The following GALNTL6 variants were observed in gnomAD, a reference collection of about 807,000 sequenced individuals.
GALNTL6 encodes polypeptide N-acetylgalactosaminyltransferase-like 6.
In GALNTL6, 46 loss-of-function variants were observed where a neutral mutation model predicts 73.7. The ratio of observed to expected loss-of-function variants is 0.62; its 90% CI spans 0.49 to 0.80. The LOEUF (loss-of-function observed/expected upper bound fraction) is 0.80, where lower values mean the gene tolerates loss of function less well. Ranked by LOEUF, GALNTL6 falls within the 30% of genes least tolerant of loss-of-function variation. The probability of loss-of-function intolerance (pLI) is 0.00; values close to 1 mark genes in which losing one functional copy is unlikely to be tolerated. For synonymous variants in GALNTL6, 259 were observed against 263.7 expected, an observed-to-expected ratio of 0.98 and a Z score of 0.17; for missense variants, 604 against 755.0, an observed-to-expected ratio of 0.80 and a Z score of 2.34.
At chr4:172,111,157 G>T (rs2110979325) in intron 2 of GALNTL6, among the ~76,000 whole-genome samples, 1 of 151,944 alleles carries the variant, frequency 6.6e-6, no homozygotes, top group East Asian at 1.9e-4. Flanking sequence ...AAATTACTTA[G>T]GAGAACTCTG....
chr4:171,874,756 A>G (rs1364523654), intron 2 of GALNTL6, among the ~76,000 whole-genome samples: 1 of 152,176 alleles, frequency 6.6e-6, no homozygotes, highest in Admixed American at 6.5e-5. Context: ...CCAAGAATCT[A>G]TTTTAAAAAC....
chr4:172,894,408 G>A (rs897832895), intron 8 of GALNTL6, among the ~76,000 whole-genome samples: 2 of 151,940 alleles, frequency 1.3e-5, no homozygotes, highest in Non-Finnish European at 2.9e-5. Context: ...TTCCAATTTT[G>A]TTTCAAGAAA....
At chr4:172,700,522 T>G (rs1200249044) in intron 5 of GALNTL6, among the ~76,000 whole-genome samples, 3 of 152,128 alleles carry the variant, frequency 2.0e-5, no homozygotes, top group Non-Finnish European at 2.9e-5. Context: ...TTCTTCAGTT[T>G]CCTATTTAGA....
intron 2 of GALNTL6, among the ~76,000 whole-genome samples, chr4:171,999,891 CAT>C (rs1468810674): frequency 6.6e-6 from 1 of 152,160 alleles, no homozygotes; most frequent in Non-Finnish European, 1.5e-5. Context: ...CAATTACTAA[CAT>C]AGCCTAACAC....
intron 2 of GALNTL6, among the ~76,000 whole-genome samples, chr4:172,042,362 T>C (rs1313205515): frequency 6.6e-6 from 1 of 152,082 alleles, no homozygotes; most frequent in Non-Finnish European, 1.5e-5. Context: ...TTCTAAACTG[T>C]ATATGGCACA....
intron 2 of GALNTL6, among the ~76,000 whole-genome samples, chr4:171,974,947 G>C (rs985329036): frequency 1.3e-5 from 2 of 152,108 alleles, no homozygotes; most frequent in Non-Finnish European, 2.9e-5. Context: ...TCACGGCAAG[G>C]TTGGCTGTAT....
intron 2 of GALNTL6, among the ~76,000 whole-genome samples, chr4:172,043,439 A>T (rs1742141506): frequency 6.6e-6 from 1 of 152,052 alleles, no homozygotes; most frequent in Non-Finnish European, 1.5e-5. Context: ...GACTTTATTA[A>T]AAGATGGTCA....
intron 2 of GALNTL6, among the ~76,000 whole-genome samples, chr4:172,172,584 C>T (rs1220170920): frequency 6.6e-6 from 1 of 152,068 alleles, no homozygotes; most frequent in Non-Finnish European, 1.5e-5. Flanking sequence ...GAGAAGACAG[C>T]TATCTAGATG....
At chr4:171,870,659 G>A (rs1736111602) in intron 2 of GALNTL6, among the ~76,000 whole-genome samples, 1 of 152,084 alleles carries the variant, frequency 6.6e-6, no homozygotes, top group African/African-American at 2.4e-5. Flanking sequence ...TAGGATCATT[G>A]TAGATGTAAT....
At chr4:172,464,711 AAATAAT>A (rs541423027) in intron 5 of GALNTL6, among the ~76,000 whole-genome samples, 1 of 150,990 alleles carries the variant, frequency 6.6e-6, no homozygotes, top group Admixed American at 6.6e-5. Flanking sequence ...TCTGTCTCAA[AAATAAT>A]AATAATAATA....
intron 5 of GALNTL6, among the ~76,000 whole-genome samples, chr4:172,680,046 T>C (rs529135131): frequency 1.3e-5 from 2 of 152,270 alleles, no homozygotes; most frequent in South Asian, 4.2e-4. Context: ...TAATCACATA[T>C]GAGATGAAAG....
intron 4 of GALNTL6, among the ~76,000 whole-genome samples, chr4:172,343,471 A>T (rs909246789): frequency 6.6e-6 from 1 of 152,172 alleles, no homozygotes; most frequent in African/African-American, 2.4e-5. Flanking sequence ...TAAGTCTGGT[A>T]CTTATTTCAA....
At chr4:172,794,121 T>A (rs1453193436) in intron 5 of GALNTL6, among the ~76,000 whole-genome samples, 1 of 152,190 alleles carries the variant, frequency 6.6e-6, no homozygotes, top group Non-Finnish European at 1.5e-5. Flanking sequence ...CCTAAGCAGA[T>A]TCCAGTACTA....
chr4:172,019,773 TCAA>T (rs1292816466), intron 2 of GALNTL6, among the ~76,000 whole-genome samples: 6 of 151,810 alleles, frequency 4.0e-5, no homozygotes, highest in Admixed American at 1.3e-4. Flanking sequence ...AGGAAGAAAA[TCAA>T]CAACAACAAA....
At chr4:172,560,034 C>A (rs188389933) in intron 5 of GALNTL6, among the ~76,000 whole-genome samples, 427 of 152,254 alleles carry the variant, frequency 2.8e-3, no homozygotes, top group Non-Finnish European at 4.4e-3. Context: ...TAATGTTCAA[C>A]TTGCATCCTG....
At chr4:171,933,131 C>T (rs568106838) in intron 2 of GALNTL6, among the ~76,000 whole-genome samples, 2 of 152,210 alleles carry the variant, frequency 1.3e-5, no homozygotes, top group African/African-American at 4.8e-5. Flanking sequence ...TGGAAAATTG[C>T]GTATGTACAG....
Position 172,479,082 on chromosome 4 carries a change from A to G in GALNTL6, c.553+130393A>G, listed in dbSNP as rs368773682. 5.3e-5 allele frequency among the ~76,000 whole-genome samples: 8 copies of G among 152,368 alleles called. No homozygotes were observed. In the East Asian group the frequency reaches 1.2e-3, roughly 22 times the overall value. On this transcript the variant is annotated intron_variant, in intron 5 of 12. Coordinates refer to ENST00000506823, the MANE Select transcript of GALNTL6 (RefSeq NM_001034845.3). ...TGCTGGTGGGAATGTGAATTAGTACAGCCTCTATGGAAAGCCATGTGGAGA... is the reference window on the plus strand; with the variant it reads ...TGCTGGTGGGAATGTGAATTAGTACGGCCTCTATGGAAAGCCATGTGGAGA...
At chr4:172,314,801 G>T (rs908365216) in intron 4 of GALNTL6, among the ~76,000 whole-genome samples, 3 of 151,706 alleles carry the variant, frequency 2.0e-5, no homozygotes, top group African/African-American at 4.8e-5. Context: ...GTAGAGACAG[G>T]GTTTCACCAC....
intron 2 of GALNTL6, among the ~76,000 whole-genome samples, chr4:172,177,789 GTA>G (rs1196780358): frequency 3.1e-4 from 43 of 136,800 alleles, no homozygotes; most frequent in South Asian, 6.6e-4. Context: ...ATACACATGT[GTA>G]TATATATACA....
Sources: gnomAD v4.1 joint callset for allele counts (sites outside exome capture counted in the v4.1 genomes callset) on GRCh38, gnomAD v4.1.1 for gene constraint, MANE v1.5 for transcripts, NCBI Gene and HGNC (gene_info 2026-07-23, HGNC 2026-07-21) for gene names.